The following SDK1 variants were observed in gnomAD, a reference collection of about 807,000 sequenced individuals.
SDK1 encodes protein sidekick-1.
In SDK1, 157 loss-of-function variants were observed where a neutral mutation model predicts 245.5. The ratio of observed to expected loss-of-function variants is 0.64; its 90% confidence interval spans 0.56 to 0.73. The LOEUF is 0.73. Among genes scored for constraint, SDK1 ranks in the 30% least tolerant of loss-of-function variants. SDK1 has a pLI of 0.00. For missense variants in SDK1, 3,583 were observed against 3,002.3 expected (o/e 1.19, Z -4.52); for synonymous variants, 1,647 against 1,278.5 (o/e 1.29, Z -6.15).
At chr7:3,357,597 C>G (rs921407861) in intron 1 of SDK1, among the ~76,000 whole-genome samples, 1 of 151,932 alleles carries the variant, frequency 6.6e-6, no homozygotes, top group African/African-American at 2.4e-5. Context: ...ATCCTCCTCC[C>G]TTGGCCTCCC....
intron 28 of SDK1, among the ~76,000 whole-genome samples, chr7:4,136,188 T>G (rs1372648145): frequency 6.6e-6 from 1 of 152,118 alleles, no homozygotes; most frequent in African/African-American, 2.4e-5. Context: ...CTGCCGAGCC[T>G]CCTCTGTCAT....
At chr7:3,645,088 A>G (rs552557133) in intron 4 of SDK1, among the ~76,000 whole-genome samples, 18 of 152,234 alleles carry the variant, frequency 1.2e-4, no homozygotes, top group Admixed American at 3.3e-4. Context: ...CACTATATGC[A>G]TGAGACAGCA....
At chr7:3,746,108 G>T (rs1424740929) in intron 4 of SDK1, among the ~76,000 whole-genome samples, 1 of 152,140 alleles carries the variant, frequency 6.6e-6, no homozygotes, top group Non-Finnish European at 1.5e-5. Context: ...GTTTGCTCCA[G>T]ACTACCCCAA....
At chr7:3,807,975 A>G (rs932228338) in intron 4 of SDK1, among the ~76,000 whole-genome samples, 2 of 152,194 alleles carry the variant, frequency 1.3e-5, no homozygotes, top group African/African-American at 4.8e-5. Context: ...TATTATCCCC[A>G]TCTGACCTGC....
intron 31 of SDK1, among the ~76,000 whole-genome samples, chr7:4,159,307 C>G (rs1263661479): frequency 6.6e-6 from 1 of 152,230 alleles, no homozygotes; most frequent in African/African-American, 2.4e-5. Flanking sequence ...TCTCGATGAC[C>G]TGGAAGTGTG....
chr7:3,441,803 A>G (rs1313885163), intron 1 of SDK1, among the ~76,000 whole-genome samples: 3 of 152,178 alleles, frequency 2.0e-5, no homozygotes, highest in East Asian at 3.9e-4. Flanking sequence ...ATGTAAAACC[A>G]TTATCTGCGT....
intron 34 of SDK1, among the ~76,000 whole-genome samples, chr7:4,178,000 C>T (rs535833918): frequency 8.0e-4 from 120 of 149,070 alleles, no homozygotes; most frequent in African/African-American, 2.8e-3. Flanking sequence ...ATCCCTCGCA[C>T]GCGCAGTTCC....
chr7:4,006,889 G>T (rs1269593097), intron 14 of SDK1, among the ~76,000 whole-genome samples: 4 of 152,224 alleles, frequency 2.6e-5, no homozygotes, highest in African/African-American at 9.6e-5. Context: ...CCAGGATCAG[G>T]CAGGGCCAGG....
At chr7:3,478,402 T>C (rs1349133514) in intron 1 of SDK1, among the ~76,000 whole-genome samples, 1 of 152,120 alleles carries the variant, frequency 6.6e-6, no homozygotes, top group Non-Finnish European at 1.5e-5. Flanking sequence ...TTCATTTTCT[T>C]ATTTTTCAAT....
chr7:4,187,256 A>G (rs746704417), intron 35 of SDK1, among the ~76,000 whole-genome samples: 2 of 152,134 alleles, frequency 1.3e-5, no homozygotes, highest in Non-Finnish European at 2.9e-5. Flanking sequence ...CGGCATTATT[A>G]CCATTATTTT....
chr7:3,321,162 T>A (rs1448066988), intron 1 of SDK1, among the ~76,000 whole-genome samples: 1 of 152,206 alleles, frequency 6.6e-6, no homozygotes, highest in African/African-American at 2.4e-5. Context: ...AAAATCTTTT[T>A]GAAACTAAAA....
At chr7:3,802,324 G>A (rs952526641) in intron 4 of SDK1, among the ~76,000 whole-genome samples, 1 of 152,058 alleles carries the variant, frequency 6.6e-6, no homozygotes, top group East Asian at 1.9e-4. Context: ...GGAAGTTCAA[G>A]ACCGGCCTGG....
At position 3,617,656 on chromosome 7, in the gene SDK1, C is replaced by T. The variant is rs150423922; in HGVS notation, c.299-1424C>T. Among the ~76,000 whole-genome samples the T allele has an allele frequency of 2.3e-4, 35 of 152,290 alleles. No homozygotes were observed. The East Asian group carries it at 6.6e-3, about 29-fold the overall frequency. On this transcript the variant is annotated intron_variant, in intron 1 of 44. Transcript: ENST00000404826. ...TGCTATATCATCCTGTCATGGAAGTCAGAAGGTCAAGGGAGTGCATGAGAC... is the reference window on the plus strand; with the variant it reads ...TGCTATATCATCCTGTCATGGAAGTTAGAAGGTCAAGGGAGTGCATGAGAC...
intron 2 of SDK1, among the ~76,000 whole-genome samples, chr7:3,635,946 A>G (rs1171987626): frequency 2.0e-5 from 3 of 152,084 alleles, no homozygotes; most frequent in Non-Finnish European, 4.4e-5. Context: ...TACGGTAGAC[A>G]CCTTCCCATA....
chr7:3,944,389 C>T (rs1304209041), intron 5 of SDK1, among the ~76,000 whole-genome samples: 1 of 152,178 alleles, frequency 6.6e-6, no homozygotes, highest in Non-Finnish European at 1.5e-5. Context: ...TGTTTTCGTT[C>T]TTGGAACTGA....
At chr7:4,212,251 C>T (rs1365752704) in intron 38 of SDK1, among the ~76,000 whole-genome samples, 1 of 152,150 alleles carries the variant, frequency 6.6e-6, no homozygotes, top group Non-Finnish European at 1.5e-5. Context: ...AATTTAAGCA[C>T]TAGTTTTTTA....
intron 1 of SDK1, among the ~76,000 whole-genome samples, chr7:3,498,443 T>C (rs1187303369): frequency 6.6e-6 from 1 of 152,210 alleles, no homozygotes. Context: ...ATGATGATAG[T>C]AGCTTTCTCA....
At chr7:4,232,169 C>T (rs1361042662) in intron 40 of SDK1, among the ~76,000 whole-genome samples, 1 of 150,734 alleles carries the variant, frequency 6.6e-6, no homozygotes, top group Non-Finnish European at 1.5e-5. Flanking sequence ...TTACTTAATC[C>T]TCAAAGCAAA....
intron 19 of SDK1, among the ~76,000 whole-genome samples, chr7:4,053,919 G>T (rs151056924): frequency 4.7e-4 from 71 of 151,950 alleles, no homozygotes; most frequent in African/African-American, 6.3e-4. Context: ...GTTGTTGTTG[G>T]TGGTGGTGGT....
Sources: allele counts gnomAD v4.1 joint callset (sites outside exome capture counted in the v4.1 genomes callset), GRCh38; gene constraint gnomAD v4.1.1; transcripts MANE v1.5; gene names NCBI Gene and HGNC (gene_info 2026-07-23, HGNC 2026-07-21).